The following NUDCD3 variants were observed in gnomAD, a reference collection of about 807,000 sequenced individuals.
The protein encoded by NUDCD3 is nudC domain-containing protein 3.
A neutral mutation model predicts 39.7 loss-of-function variants in NUDCD3; 13 were observed. The ratio of observed to expected loss-of-function variants is 0.33; its 90% CI spans 0.21 to 0.52. The LOEUF (loss-of-function observed/expected upper bound fraction) is 0.52, where lower values mean the gene tolerates loss of function less well. NUDCD3 is among the 20% of genes least tolerant of loss of function. NUDCD3 has a pLI of 0.96. For missense variants in NUDCD3, 453 were observed against 458.1 expected (o/e 0.99, Z 0.10); for synonymous variants, 175 against 172.4 (o/e 1.02, Z -0.12).
At chr7:44,445,838 A>G (rs1047322334) in intron 2 of NUDCD3, among the ~76,000 whole-genome samples, 1 of 152,256 alleles carries the variant, frequency 6.6e-6, no homozygotes, top group Non-Finnish European at 1.5e-5. Context: ...TGCAAGGTAC[A>G]TCTTTCAAGA....
At chr7:44,438,402 GAC>G (rs1314721359) in intron 2 of NUDCD3, among the ~76,000 whole-genome samples, 2 of 152,086 alleles carry the variant, frequency 1.3e-5, no homozygotes, top group Non-Finnish European at 2.9e-5. Context: ...GCATACCAAT[GAC>G]ACAATTATTT....
intron 3 of NUDCD3, among the ~76,000 whole-genome samples, chr7:44,418,039 A>G (rs1799060275): frequency 1.3e-5 from 2 of 152,152 alleles, no homozygotes; most frequent in Admixed American, 1.3e-4. Flanking sequence ...CATGGACCCC[A>G]CCCAAACTCC....
chr7:44,467,010 C>G (rs966129437), intron 2 of NUDCD3, among the ~76,000 whole-genome samples: 3 of 152,210 alleles, frequency 2.0e-5, no homozygotes, highest in African/African-American at 7.2e-5. Flanking sequence ...CAGCTATCAG[C>G]AGTGAAGATT....
chr7:44,435,741 G>C (rs1345961604), intron 2 of NUDCD3, among the ~76,000 whole-genome samples: 1 of 152,172 alleles, frequency 6.6e-6, no homozygotes. Flanking sequence ...AAAAGCTGAG[G>C]AGGAACCTGT....
At chr7:44,396,898 C>T (rs117251671) in intron 4 of NUDCD3, among the ~76,000 whole-genome samples, 5,786 of 152,258 alleles carry the variant, frequency 0.038, 158 homozygotes, top group Non-Finnish European at 0.054. Flanking sequence ...TCAAAGACCT[C>T]TATCTAAAAA....
chr7:44,483,304 A>G (rs932477437), intron 2 of NUDCD3, among the ~76,000 whole-genome samples: 5 of 152,234 alleles, frequency 3.3e-5, no homozygotes, highest in African/African-American at 9.6e-5. Flanking sequence ...GATAGTCTTT[A>G]AAATGTTTGA....
chr7:44,388,286 G>A (rs1230519306), intron 5 of NUDCD3, among the ~76,000 whole-genome samples: 2 of 152,196 alleles, frequency 1.3e-5, no homozygotes, highest in Non-Finnish European at 2.9e-5. Flanking sequence ...AGGAGAACCT[G>A]GCCCATTTTC....
At chr7:44,398,396 G>C (rs376918094) in intron 4 of NUDCD3, among the ~76,000 whole-genome samples, 1 of 152,130 alleles carries the variant, frequency 6.6e-6, no homozygotes, top group East Asian at 1.9e-4. Context: ...GGTTGGTGGA[G>C]GTTGCTTGAC....
chr7:44,471,958 A>T (rs1002648081), intron 2 of NUDCD3: 1 of 152,314 alleles, frequency 6.6e-6, no homozygotes, highest in African/African-American at 2.4e-5. Flanking sequence ...TCTAAATGCT[A>T]ATGTTTTCCA....
intron 5 of NUDCD3, among the ~76,000 whole-genome samples, chr7:44,388,250 G>A (rs1236747520): frequency 2.0e-5 from 3 of 152,210 alleles, no homozygotes; most frequent in African/African-American, 4.8e-5. Context: ...TGACTATGCC[G>A]ACGTGAACGG....
rs761866894 is a variant in NUDCD3 at position 44,392,290 on chromosome 7, C to T, written c.975+7G>A. On this transcript the variant is annotated splice_region_variant and intron_variant, in intron 5 of 5. Transcript: ENST00000355451. Reference sequence around the variant, plus strand: ...GGGTGGACTCTCCAGGACTGCCATGCTCGTACCAGCTCATGGCTCTGTGGC... The same window carrying T: ...GGGTGGACTCTCCAGGACTGCCATGTTCGTACCAGCTCATGGCTCTGTGGC... 5.0e-6 allele frequency: 8 copies of T among 1,612,806 alleles called. No individual in the cohort carries two copies. In the African/African-American group the frequency reaches 8.0e-5, roughly 16 times the overall value.
At chr7:44,459,916 T>C (rs564492888) in intron 2 of NUDCD3, among the ~76,000 whole-genome samples, 2 of 152,314 alleles carry the variant, frequency 1.3e-5, no homozygotes, top group East Asian at 3.9e-4. Context: ...AGTTTTAACA[T>C]AATATCAATT....
intron 2 of NUDCD3, among the ~76,000 whole-genome samples, chr7:44,439,184 C>G (rs146812202): frequency 1.2e-4 from 19 of 152,258 alleles, no homozygotes; most frequent in African/African-American, 4.3e-4. Flanking sequence ...ACTGGGGGCT[C>G]ATAACCACAG....
intron 2 of NUDCD3, among the ~76,000 whole-genome samples, chr7:44,459,883 T>C (rs1343342450): frequency 6.6e-6 from 1 of 152,210 alleles, no homozygotes; most frequent in African/African-American, 2.4e-5. Context: ...ACAAAACTGA[T>C]CATACTCTTC....
chr7:44,459,031 T>C, intron 2 of NUDCD3, among the ~76,000 whole-genome samples: 1 of 151,672 alleles, frequency 6.6e-6, no homozygotes, highest in East Asian at 1.9e-4. Flanking sequence ...GAGAAAGGTG[T>C]GCAAGGACAT....
intron 2 of NUDCD3, among the ~76,000 whole-genome samples, chr7:44,478,268 G>A (rs1311419457): frequency 6.6e-6 from 1 of 152,178 alleles, no homozygotes; most frequent in African/African-American, 2.4e-5. Context: ...TATTTACTTT[G>A]GGCCGGGCGC....
intron 4 of NUDCD3, among the ~76,000 whole-genome samples, chr7:44,396,997 G>A (rs1246895294): frequency 6.6e-6 from 1 of 152,100 alleles, no homozygotes; most frequent in African/African-American, 2.4e-5. Flanking sequence ...CAAGTTTGTG[G>A]AGGTATAGTA....
chr7:44,452,454 C>T (rs75608053), intron 2 of NUDCD3, among the ~76,000 whole-genome samples: 2,461 of 152,236 alleles, frequency 0.016, 64 homozygotes, highest in African/African-American at 0.054. Flanking sequence ...GACTCCTTTA[C>T]TCATTTAAGC....
intron 3 of NUDCD3, among the ~76,000 whole-genome samples, chr7:44,406,304 G>A (rs573739897): frequency 5.6e-4 from 85 of 152,280 alleles, no homozygotes; most frequent in African/African-American, 1.6e-3. Context: ...AATTTACCAC[G>A]GAAAAGGGTA....
Sources: allele counts gnomAD v4.1 joint callset (sites outside exome capture counted in the v4.1 genomes callset), GRCh38; gene constraint gnomAD v4.1.1; transcripts MANE v1.5; gene names NCBI Gene and HGNC (gene_info 2026-07-23, HGNC 2026-07-21).